Variants in ASIC2 observed in about 807,000 individuals in gnomAD.
ASIC2 encodes the protein acid sensing ion channel subunit 2, also known as acid-sensing ion channel 2.
A neutral mutation model predicts 57.3 loss-of-function variants in ASIC2; 25 were observed. The observed-to-expected ratio is 0.44, with a 90% CI of 0.32 to 0.61. The LOEUF (loss-of-function observed/expected upper bound fraction) is 0.61. ASIC2 is among the 20% of genes least tolerant of loss of function. The probability of loss-of-function intolerance (pLI) is 0.06; values close to 1 mark genes in which losing one functional copy is unlikely to be tolerated. For missense variants in ASIC2, 641 were observed against 738.1 expected (o/e 0.87, Z 1.52); for synonymous variants, 319 against 307.5 (o/e 1.04, Z -0.39).
chr17:33,265,649 C>A (rs574363981), intron 1 of ASIC2, among the ~76,000 whole-genome samples: 26 of 152,064 alleles, frequency 1.7e-4, no homozygotes, highest in Non-Finnish European at 3.1e-4. Flanking sequence ...TGCACATGAA[C>A]CCTGGAATGT....
chr17:33,154,951 C>T (rs909085861), intron 1 of ASIC2, among the ~76,000 whole-genome samples: 3 of 152,184 alleles, frequency 2.0e-5, no homozygotes, highest in South Asian at 2.1e-4. Context: ...TTTCTAATTG[C>T]GCTGAGGGAC....
chr17:33,647,943 C>G (rs1906797602), intron 1 of ASIC2, among the ~76,000 whole-genome samples: 3 of 152,102 alleles, frequency 2.0e-5, no homozygotes, highest in African/African-American at 7.2e-5. Context: ...TTCCAGACAC[C>G]AGGGAGGTAT....
At chr17:33,370,985 G>C (rs62069424) in intron 1 of ASIC2, among the ~76,000 whole-genome samples, 2 of 90,426 alleles carry the variant, frequency 2.2e-5, no homozygotes, top group Admixed American at 2.3e-4. Context: ...GTAAGAGGAG[G>C]AACACGCCCA....
chr17:33,060,165 A>G (rs2092014955), intron 3 of ASIC2, among the ~76,000 whole-genome samples: 1 of 152,268 alleles, frequency 6.6e-6, no homozygotes, highest in East Asian at 1.9e-4. Context: ...CTGTAGTTTA[A>G]TTAGATCCCA....
At chr17:33,559,864 C>T (rs1269236936) in intron 1 of ASIC2, among the ~76,000 whole-genome samples, 1 of 152,120 alleles carries the variant, frequency 6.6e-6, no homozygotes, top group African/African-American at 2.4e-5. Context: ...AGTGAATGAA[C>T]AAGAAATAAC....
chr17:33,928,225 C>T (rs1438443661), intron 1 of ASIC2, among the ~76,000 whole-genome samples: 1 of 152,242 alleles, frequency 6.6e-6, no homozygotes, highest in African/African-American at 2.4e-5. Context: ...CACCCTGCTG[C>T]CCATTGGCGA....
At chr17:33,572,204 T>A (rs1044751440) in intron 1 of ASIC2, 2 of 152,166 alleles carry the variant, frequency 1.3e-5, no homozygotes, top group Non-Finnish European at 2.9e-5. Flanking sequence ...GGAGTTGATA[T>A]GGAACCACTC....
intron 1 of ASIC2, among the ~76,000 whole-genome samples, chr17:33,259,167 C>T (rs533186575): frequency 3.9e-5 from 6 of 151,996 alleles, no homozygotes; most frequent in Non-Finnish European, 5.9e-5. Flanking sequence ...TGGGGCATCT[C>T]GGAACGGACA....
At chr17:33,929,092 G>C (rs915007388) in intron 1 of ASIC2, among the ~76,000 whole-genome samples, 2 of 152,044 alleles carry the variant, frequency 1.3e-5, no homozygotes, top group Non-Finnish European at 2.9e-5. Context: ...TGAGTTGCTG[G>C]GGCCTAAACT....
intron 1 of ASIC2, among the ~76,000 whole-genome samples, chr17:34,099,128 G>A (rs59233931): frequency 2.5e-4 from 8 of 31,642 alleles, no homozygotes; most frequent in African/African-American, 6.6e-4. Flanking sequence ...GAGAGAGAGA[G>A]AGAGAGAGAG....
At position 33,015,994 on chromosome 17, in the gene ASIC2, C is replaced by T. The variant is rs750071243; in HGVS notation, c.1567G>A (p.Glu523Lys). The T allele has an allele frequency of 2.1e-5, 34 of 1,614,128 alleles. No homozygotes were observed. Among genetic ancestry groups the T allele is most frequent in the South Asian group, 4.4e-5 (4 of 91,078 alleles). Residue 523 changes from glutamate (E) to lysine (K), a missense_variant, in exon 9 of 10, where the codon GAA (glutamate) becomes AAA (lysine). Coordinates refer to ENST00000225823, the MANE Select transcript of ASIC2 (RefSeq NM_183377.2). Reference sequence around the variant, plus strand: ...ACCACATTCTCATCGTGGCTCCCTTCGTCCTCCTCTTTGCCAAGCAGGTCT... The same window carrying T: ...ACCACATTCTCATCGTGGCTCCCTTTGTCCTCCTCTTTGCCAAGCAGGTCT... ...LLDLLGKEED[E>K]GSHDENVSTC...
intron 3 of ASIC2, among the ~76,000 whole-genome samples, chr17:33,056,902 T>C (rs2092000285): frequency 6.6e-6 from 1 of 152,190 alleles, no homozygotes; most frequent in Non-Finnish European, 1.5e-5. Flanking sequence ...ACTGACCATC[T>C]GTTGAGAAGC....
intron 1 of ASIC2, among the ~76,000 whole-genome samples, chr17:33,794,930 C>G (rs956978886): frequency 6.6e-6 from 1 of 152,176 alleles, no homozygotes; most frequent in Non-Finnish European, 1.5e-5. Flanking sequence ...GAATAAGACA[C>G]TTGGGCCCTC....
chr17:33,639,254 T>C (rs1210150627), intron 1 of ASIC2, among the ~76,000 whole-genome samples: 2 of 152,150 alleles, frequency 1.3e-5, no homozygotes, highest in South Asian at 4.1e-4. Flanking sequence ...CTGGCTAGCT[T>C]TGTAGCATGT....
intron 1 of ASIC2, among the ~76,000 whole-genome samples, chr17:33,209,594 C>T (rs773082903): frequency 3.3e-5 from 5 of 152,186 alleles, no homozygotes; most frequent in South Asian, 4.1e-4. Context: ...CCAATTGTCC[C>T]GTGGGGGCCA....
chr17:33,518,040 A>G (rs935632070), intron 1 of ASIC2, among the ~76,000 whole-genome samples: 1 of 152,130 alleles, frequency 6.6e-6, no homozygotes, highest in Non-Finnish European at 1.5e-5. Flanking sequence ...GCCTCTGATC[A>G]TCATCCTCTT....
At chr17:34,043,956 G>T (rs1008854907) in intron 1 of ASIC2, among the ~76,000 whole-genome samples, 2 of 152,162 alleles carry the variant, frequency 1.3e-5, no homozygotes, top group Non-Finnish European at 2.9e-5. Context: ...TGATGGAGAG[G>T]CACACAATAC....
chr17:33,910,447 A>G (rs574114335), intron 1 of ASIC2, among the ~76,000 whole-genome samples: 1 of 152,304 alleles, frequency 6.6e-6, no homozygotes, highest in African/African-American at 2.4e-5. Flanking sequence ...GATTTTTAGC[A>G]TGGATACTAC....
intron 1 of ASIC2, among the ~76,000 whole-genome samples, chr17:33,679,954 G>A (rs993136053): frequency 2.0e-5 from 3 of 152,058 alleles, no homozygotes; most frequent in Non-Finnish European, 2.9e-5. Flanking sequence ...TGGTGAGGAC[G>A]GTATTATTAT....
Sources: gnomAD v4.1 joint callset for allele counts (sites outside exome capture counted in the v4.1 genomes callset) on GRCh38, gnomAD v4.1.1 for gene constraint, MANE v1.5 for transcripts, NCBI Gene and HGNC (gene_info 2026-07-23, HGNC 2026-07-21) for gene names.